Variants in PEX3 observed in about 807,000 individuals in gnomAD.
The protein encoded by PEX3 is peroxin-3.
PEX3 carries 30 observed loss-of-function variants against 55.8 expected under a neutral mutation model. The observed-to-expected ratio is 0.54, with a 90% CI of 0.40 to 0.73. PEX3 has a LOEUF of 0.73. Among genes scored for constraint, PEX3 ranks in the 30% least tolerant of loss-of-function variants. The pLI is 0.00. For synonymous variants in PEX3, 135 were observed against 148.4 expected (o/e 0.91, Z 0.66); for missense variants, 351 against 432.8 (o/e 0.81, Z 1.68).
chr6:143,472,480 A>G (rs1277968241), intron 8 of PEX3, 152 bp downstream of exon 8: 2 of 642,526 alleles, frequency 3.1e-6, no homozygotes, highest in Non-Finnish European at 5.4e-6. Flanking sequence ...ATTTAGAAAA[A>G]CAGCCATTAT....
rs142086631 is a variant in PEX3 at position 143,477,115 on chromosome 6, G to A, written c.819-1961G>A. On this transcript the variant is annotated intron_variant, in intron 9 of 11. Coordinates refer to ENST00000367591, the MANE Select transcript of PEX3 (RefSeq NM_003630.3). ...GATGGAGTTGTTGATTGATCTTGTT[G>A]AGAAGTTTCAGAGGAGCAGTGGAGA... Among the ~76,000 whole-genome samples the A allele has an allele frequency of 3.9e-4, 60 of 152,316 alleles. No individual in the cohort carries two copies. The East Asian group carries it at 0.01, about 26-fold the overall frequency.
rs1779748545 is a variant in PEX3, at chr6:143,450,868, G to GC, written c.-170dup. The GC allele has an allele frequency of 2.6e-6, 2 of 774,652 alleles. No homozygotes were observed. Among genetic ancestry groups the GC allele is most frequent in the Non-Finnish European group, 4.6e-6 (2 of 439,500 alleles). 48.0% of individuals were successfully genotyped at this position (774,652 alleles called of 1,614,324 possible). A position where few individuals can be genotyped will look rare whatever the true frequency, so the allele number is the denominator to read the frequency against. On this transcript the variant is annotated 5_prime_UTR_variant, in exon 1 of 12. Coordinates refer to ENST00000367591, the MANE Select transcript of PEX3 (RefSeq NM_003630.3). ...GCGTAGCTGCTTTGCTGTAGTCCAC[G>GC]CCCCCTTGCCGCTCCGGTGACAGTC...
In PEX3 at chr6:143,463,516, T is replaced by G. The variant is rs1253636903; in HGVS notation, c.287+519T>G. The stretch of plus-strand genomic sequence containing the variant: ...GCAGTTTGCTGTTTCCAAAAGCACT[T>G]TCACATATGTAACCTTGTATATTGC... On this transcript the variant is annotated intron_variant, in intron 3 of 11. Transcript: ENST00000367591. This position sits in a 1 kb window ranked among gnomAD's most constrained non-coding sequence, Gnocchi z 5.7. Among the ~76,000 whole-genome samples the G allele has an allele frequency of 6.6e-6, 1 of 151,756 alleles. No homozygotes were observed. Among genetic ancestry groups the G allele is most frequent in the Non-Finnish European group, 1.5e-5 (1 of 68,016 alleles).
At chr6:143,481,148 T>TTA (rs72384031) in intron 10 of PEX3, among the ~76,000 whole-genome samples, 3,901 of 146,304 alleles carry the variant, frequency 0.027, 76 homozygotes, top group Middle Eastern at 0.076. Context: ...AGGCTTTAAT[T>TTA]TATATATATA....
Position 143,488,086 on chromosome 6 carries a change from C to T in PEX3, c.1039-1057C>T, listed in dbSNP as rs926792504. On this transcript the variant is annotated intron_variant, in intron 11 of 11. Transcript: ENST00000367591. The surrounding 1 kb of genome is among the most constrained non-coding windows in gnomAD (Gnocchi z 4.9). ...ATCTAAACCTATGTTTCATTGAACA[C>T]CTAGACTGAATACTTGAAACTAAAT... 6.6e-6 allele frequency among the ~76,000 whole-genome samples: 1 copy of T among 152,042 alleles called. No homozygotes were observed. Among genetic ancestry groups the T allele is most frequent in the South Asian group, 2.1e-4 (1 of 4,822 alleles).
rs1159174081 is a variant in PEX3, at chr6:143,483,638, T to C, written c.942-1514T>C. Among the ~76,000 whole-genome samples, 1 of 152,140 alleles carries C rather than the reference T, an allele frequency of 6.6e-6. No individual in the cohort carries two copies. The highest frequency in any genetic ancestry group is 1.9e-4 in the East Asian group (1 of 5,200). ...AACACTGGAAGGCTGCTGGAGAGTT[T>C]TGAGCAGGAGAGTGATGTAATGGAA... On this transcript the variant is annotated intron_variant, in intron 10 of 11. Coordinates refer to ENST00000367591, the MANE Select transcript of PEX3 (RefSeq NM_003630.3). The surrounding 1 kb of genome is among the most constrained non-coding windows in gnomAD (Gnocchi z 4.3).
In PEX3 at chr6:143,487,694, T is replaced by G. The variant is rs1780339173; in HGVS notation, c.1039-1449T>G. Among the ~76,000 whole-genome samples the G allele has an allele frequency of 6.6e-6, 1 of 152,164 alleles. No homozygotes were observed. The highest frequency in any genetic ancestry group is 2.4e-5 in the African/African-American group (1 of 41,462). ...TGCTACTGTTCATGCTGTTGAGCAT[T>G]CAGCCTGCATTTTCTGAAGCTGACT... On this transcript the variant is annotated intron_variant, in intron 11 of 11. Transcript: ENST00000367591. The surrounding 1 kb of genome is among the most constrained non-coding windows in gnomAD (Gnocchi z 5.3).
intron 1 of PEX3, among the ~76,000 whole-genome samples, chr6:143,452,802 C>T (rs1447114716): frequency 6.6e-6 from 1 of 152,078 alleles, no homozygotes; most frequent in South Asian, 2.1e-4. Context: ...TTTAATTAGT[C>T]TAACTTAAGA....
rs1301676201 is a variant in PEX3, at chr6:143,454,865, G to A, written c.73+3750G>A. On this transcript the variant is annotated intron_variant, in intron 1 of 11. Transcript: ENST00000367591. This position sits in a 1 kb window ranked among gnomAD's most constrained non-coding sequence, Gnocchi z 4.3. ...TGTATTTCACTATGGCTATGCAAAT[G>A]AGAAGTGGCAAAAGATTAACTTGGA... 6.6e-6 allele frequency among the ~76,000 whole-genome samples: 1 copy of A among 152,226 alleles called. No individual in the cohort carries two copies. The highest frequency in any genetic ancestry group is 1.5e-5 in the Non-Finnish European group (1 of 68,030).
chr6:143,470,816 T>A, intron 4 of PEX3, 145 bp from the exon 5 acceptor site: 1 of 656,036 alleles, frequency 1.5e-6, no homozygotes, highest in South Asian at 1.9e-5. Context: ...GACTGAAATA[T>A]TTTGAATTGA....
chr6:143,463,765 C>G lies in PEX3; in HGVS notation c.287+768C>G, dbSNP rs1779954886. 6.6e-6 allele frequency among the ~76,000 whole-genome samples: 1 copy of G among 152,162 alleles called. No individual in the cohort carries two copies. Among genetic ancestry groups the G allele is most frequent in the African/African-American group, 2.4e-5 (1 of 41,434 alleles). On this transcript the variant is annotated intron_variant, in intron 3 of 11. Coordinates refer to ENST00000367591, the MANE Select transcript of PEX3 (RefSeq NM_003630.3). The surrounding 1 kb of genome is among the most constrained non-coding windows in gnomAD (Gnocchi z 5.7). The stretch of plus-strand genomic sequence containing the variant: ...AAAAGTAGTTCTATTTCTAAACTGT[C>G]TCACTGTGCTAGCCCTGGTGCTAGG...
rs1056157154 is a variant in PEX3 at position 143,454,033 on chromosome 6, T to A, written c.73+2918T>A. Among the ~76,000 whole-genome samples the A allele has an allele frequency of 5.6e-5, 8 of 142,642 alleles. No homozygotes were observed. The highest frequency in any genetic ancestry group is 2.0e-4 in the East Asian group (1 of 5,016). 93.6% of individuals were successfully genotyped at this position (142,642 alleles called of 152,430 possible). A position where few individuals can be genotyped will look rare whatever the true frequency, so the allele number is the denominator to read the frequency against. On this transcript the variant is annotated intron_variant, in intron 1 of 11. Transcript: ENST00000367591. This position sits in a 1 kb window ranked among gnomAD's most constrained non-coding sequence, Gnocchi z 4.3. ...TATTCAAAATTAAAATGAAATTTTTTAAAATATTAATTCATTTTAAAATAA... is the reference window on the plus strand; with the variant it reads ...TATTCAAAATTAAAATGAAATTTTTAAAAATATTAATTCATTTTAAAATAA...
rs945082165 is a variant in PEX3 at position 143,489,416 on chromosome 6, A to G, written c.*190A>G. On this transcript the variant is annotated 3_prime_UTR_variant, in exon 12 of 12. Transcript: ENST00000367591. This position sits in a 1 kb window ranked among gnomAD's most constrained non-coding sequence, Gnocchi z 5.5. ...TATATTTTTTTAGATTCATCAACAG[A>G]CCAGTTTTTGTGGGCATATATATAT... 2.0e-6 allele frequency: 1 copy of G among 501,238 alleles called. No individual in the cohort carries two copies. Among genetic ancestry groups the G allele is most frequent in the African/African-American group, 1.9e-5 (1 of 51,416 alleles). The allele number at this position is 501,238 out of a possible 1,614,324, so 31.0% of individuals were successfully genotyped here.
intron 10 of PEX3, among the ~76,000 whole-genome samples, chr6:143,480,814 C>G (rs1301675665): frequency 6.6e-6 from 1 of 152,050 alleles, no homozygotes; most frequent in East Asian, 1.9e-4. Context: ...AGTTCAAGAC[C>G]AGCCTGGGAA....
rs1779821562 is a variant in PEX3, at chr6:143,454,912, G to A, written c.73+3797G>A. Among the ~76,000 whole-genome samples, 1 of 152,234 alleles carries A rather than the reference G, an allele frequency of 6.6e-6. No individual in the cohort carries two copies. The highest frequency in any genetic ancestry group is 2.4e-5 in the African/African-American group (1 of 41,456). On this transcript the variant is annotated intron_variant, in intron 1 of 11. Coordinates refer to ENST00000367591, the MANE Select transcript of PEX3 (RefSeq NM_003630.3). The surrounding 1 kb of genome is among the most constrained non-coding windows in gnomAD (Gnocchi z 4.3). ...TGGAAAAGTAGCTAGAGTACAGATTGTGAAGGGCCTTATGAAGCCATTCTA... is the reference window on the plus strand; with the variant it reads ...TGGAAAAGTAGCTAGAGTACAGATTATGAAGGGCCTTATGAAGCCATTCTA...
At chr6:143,472,360 G>A (rs1368028196) in intron 8 of PEX3, 32 bp downstream of exon 8, 1 of 1,496,424 alleles carries the variant, frequency 6.7e-7, no homozygotes, top group Non-Finnish European at 9.3e-7. Context: ...AACCAAACCA[G>A]TTACTCTATT....
In PEX3 at chr6:143,482,269, T is replaced by G. The variant is rs1780251902; in HGVS notation, c.942-2883T>G. On this transcript the variant is annotated intron_variant, in intron 10 of 11. Transcript: ENST00000367591. This position sits in a 1 kb window ranked among gnomAD's most constrained non-coding sequence, Gnocchi z 5.5. ...AATTTACTGAGTGTTCTTACCATTT[T>G]AATAAACTGTTAGTTGACCGTTGGT... 6.6e-6 allele frequency among the ~76,000 whole-genome samples: 1 copy of G among 152,168 alleles called. No individual in the cohort carries two copies. Among genetic ancestry groups the G allele is most frequent in the Non-Finnish European group, 1.5e-5 (1 of 68,012 alleles).
Position 143,485,429 on chromosome 6 carries a change from TG to T in PEX3, c.1038+182del. Among the ~76,000 whole-genome samples, 1 of 152,142 alleles carries T rather than the reference TG, an allele frequency of 6.6e-6. No homozygotes were observed. The highest frequency in any genetic ancestry group is 1.9e-4 in the East Asian group (1 of 5,184). The stretch of plus-strand genomic sequence containing the variant: ...GAGTAATAACGGACCATAGCAAATG[TG>T]TAAGTTTGGAGTACCTTTCTCCGTG... On this transcript the variant is annotated intron_variant, in intron 11 of 11. Transcript: ENST00000367591. This position sits in a 1 kb window ranked among gnomAD's most constrained non-coding sequence, Gnocchi z 5.6.
At chr6:143,468,980 A>G (rs551130460) in intron 4 of PEX3, among the ~76,000 whole-genome samples, 2 of 152,182 alleles carry the variant, frequency 1.3e-5, no homozygotes, top group African/African-American at 2.4e-5. Flanking sequence ...AGCTTCATCC[A>G]TGTCCCTACA....
Sources: allele counts gnomAD v4.1 joint callset (sites outside exome capture counted in the v4.1 genomes callset), GRCh38; gene constraint gnomAD v4.1.1; non-coding constraint Gnocchi (gnomAD v3.1); transcripts MANE v1.5; gene names NCBI Gene and HGNC (gene_info 2026-07-23, HGNC 2026-07-21).